The following LYPD6B variants were observed in gnomAD, a reference collection of about 807,000 sequenced individuals.
LYPD6B encodes LY6/PLAUR domain containing 6B, also known as ly6/PLAUR domain-containing protein 6B.
LYPD6B carries 17 observed loss-of-function variants against 22.8 expected under a neutral mutation model. The observed-to-expected ratio is 0.75, with a 90% CI of 0.51 to 1.12. The LOEUF is 1.12. LYPD6B is among the 50% of genes most tolerant of loss of function. The pLI, the probability that LYPD6B is intolerant of heterozygous loss-of-function variation, is 0.00. For synonymous variants in LYPD6B, 106 were observed against 91.6 expected (o/e 1.16, Z -0.90); for missense variants, 221 against 258.3 (o/e 0.86, Z 0.99).
chr2:149,085,718 G>C (rs1396195834), intron 1 of LYPD6B, among the ~76,000 whole-genome samples: 2 of 152,194 alleles, frequency 1.3e-5, no homozygotes, highest in African/African-American at 4.8e-5. Context: ...AAAGAATTTG[G>C]TGATGAATAA....
At position 149,097,993 on chromosome 2, in the gene LYPD6B, C is replaced by T. The variant is rs575653049; in HGVS notation, c.-66-32890C>T. Among the ~76,000 whole-genome samples the T allele has an allele frequency of 7.9e-5, 12 of 152,234 alleles. No homozygotes were observed. In the East Asian group the frequency reaches 2.1e-3, roughly 27 times the overall value. ...AAAATAATCATTGAGTGAAATACTACACTTTTTTATTACTTTGGACAGTAT... is the reference window on the plus strand; with the variant it reads ...AAAATAATCATTGAGTGAAATACTATACTTTTTTATTACTTTGGACAGTAT... On this transcript the variant is annotated intron_variant, in intron 1 of 6. Transcript: ENST00000409642.
At position 149,083,719 on chromosome 2, in the gene LYPD6B, C is replaced by G. The variant is rs188471944; in HGVS notation, c.-67+44918C>G. On this transcript the variant is annotated intron_variant, in intron 1 of 6. Transcript: ENST00000409642. ...GTGATGCTGTGAAGTTCGTATGGCA[C>G]GATGTGCTGCTGTCTCAATATTACT... Among the ~76,000 whole-genome samples the G allele has an allele frequency of 2.6e-5, 4 of 152,222 alleles. No individual in the cohort carries two copies. In the East Asian group the frequency reaches 7.7e-4, roughly 29 times the overall value.
intron 3 of LYPD6B, among the ~76,000 whole-genome samples, chr2:149,199,465 C>T (rs1349729204): frequency 6.6e-6 from 1 of 152,186 alleles, no homozygotes; most frequent in African/African-American, 2.4e-5. Context: ...GTGCTCAGTA[C>T]AGTACCTGGT....
At chr2:149,171,237 A>G (rs1174341210) in intron 3 of LYPD6B, among the ~76,000 whole-genome samples, 1 of 152,180 alleles carries the variant, frequency 6.6e-6, no homozygotes, top group Non-Finnish European at 1.5e-5. Flanking sequence ...GGCAAATGCT[A>G]AGGAAGCAAC....
intron 2 of LYPD6B, among the ~76,000 whole-genome samples, chr2:149,159,571 C>T (rs528023962): frequency 1.6e-4 from 23 of 147,976 alleles, no homozygotes; most frequent in African/African-American, 4.5e-4. Context: ...GAACCCTGCC[C>T]GAGAGAGCAT....
intron 1 of LYPD6B, among the ~76,000 whole-genome samples, chr2:149,109,222 G>A (rs965688461): frequency 1.3e-5 from 2 of 152,148 alleles, no homozygotes; most frequent in Non-Finnish European, 2.9e-5. Context: ...TTCTTGTGGT[G>A]CAGAACTTAA....
At chr2:149,124,945 G>A (rs1687605437) in intron 1 of LYPD6B, among the ~76,000 whole-genome samples, 1 of 152,162 alleles carries the variant, frequency 6.6e-6, no homozygotes, top group South Asian at 2.1e-4. Context: ...CCAACATTCA[G>A]GTAGACCCAG....
intron 1 of LYPD6B, among the ~76,000 whole-genome samples, chr2:149,105,096 C>T (rs1443219942): frequency 6.6e-6 from 1 of 152,126 alleles, no homozygotes; most frequent in Admixed American, 6.6e-5. Context: ...AGCACCATTG[C>T]TGAAAAGTCT....
intron 2 of LYPD6B, among the ~76,000 whole-genome samples, chr2:149,145,720 C>T (rs893806748): frequency 6.6e-6 from 1 of 152,202 alleles, no homozygotes; most frequent in African/African-American, 2.4e-5. Flanking sequence ...TTGGCATCCT[C>T]CACCCCTCAG....
intron 1 of LYPD6B, among the ~76,000 whole-genome samples, chr2:149,123,978 C>A (rs1037143625): frequency 6.6e-6 from 1 of 152,192 alleles, no homozygotes. Flanking sequence ...TAATACTCAC[C>A]TGATGTTATC....
chr2:149,122,013 CAG>C (rs2105613086), intron 1 of LYPD6B, among the ~76,000 whole-genome samples: 1 of 152,330 alleles, frequency 6.6e-6, no homozygotes, highest in East Asian at 1.9e-4. Context: ...GAGAAAGAAA[CAG>C]ACCAAAACAA....
chr2:149,126,556 A>G (rs1687707123), intron 1 of LYPD6B, among the ~76,000 whole-genome samples: 1 of 152,232 alleles, frequency 6.6e-6, no homozygotes, highest in South Asian at 2.1e-4. Context: ...TGTCATCTTT[A>G]CATTGAGTCA....
intron 2 of LYPD6B, among the ~76,000 whole-genome samples, chr2:149,137,794 T>C (rs1688459832): frequency 6.6e-6 from 1 of 152,116 alleles, no homozygotes; most frequent in African/African-American, 2.4e-5. Context: ...AAATATTCTA[T>C]TATTTCATTA....
chr2:149,156,952 A>G (rs116437028), intron 2 of LYPD6B, among the ~76,000 whole-genome samples: 307 of 152,352 alleles, frequency 2.0e-3, no homozygotes, highest in African/African-American at 7.1e-3. Context: ...GTGGTTGTAC[A>G]TCAGAAAGGC....
chr2:149,175,016 CTCTT>C lies in LYPD6B; in HGVS notation c.77+14183_77+14186del, dbSNP rs531090012. On this transcript the variant is annotated intron_variant, in intron 3 of 6. Coordinates refer to ENST00000409642, the MANE Select transcript of LYPD6B (RefSeq NM_177964.5). The stretch of plus-strand genomic sequence containing the variant: ...ATAATTATAATACTCTGTGAATAAT[CTCTT>C]TAATCTCTCTCTCTCTCTCTCTCTC... 5.1e-5 allele frequency among the ~76,000 whole-genome samples: 7 copies of C among 137,234 alleles called. No individual in the cohort carries two copies. In the East Asian group the frequency reaches 1.2e-3, roughly 24 times the overall value. 90.0% of individuals were successfully genotyped at this position (137,234 alleles called of 152,430 possible).
intron 1 of LYPD6B, among the ~76,000 whole-genome samples, chr2:149,083,972 C>T (rs2889657): frequency 0.34 from 51,660 of 150,276 alleles, 9,167 homozygotes; most frequent in East Asian, 0.62. Flanking sequence ...AAAAACCGGG[C>T]GTAGTGGCAT....
rs1055395837 is a variant in LYPD6B, at chr2:149,088,132, T to C, written c.-66-42751T>C. ...ACTTTATGTCCCCTACTGTCCACTG[T>C]TGGAATTGTTATGTTCTCTGTGGGT... On this transcript the variant is annotated intron_variant, in intron 1 of 6. Coordinates refer to ENST00000409642, the MANE Select transcript of LYPD6B (RefSeq NM_177964.5). Among the ~76,000 whole-genome samples the C allele has an allele frequency of 7.6e-5, 11 of 145,224 alleles. No homozygotes were observed. In the Admixed American group the frequency reaches 7.6e-4, roughly 10 times the overall value.
chr2:149,059,688 G>A (rs1282978623), intron 1 of LYPD6B, among the ~76,000 whole-genome samples: 1 of 152,154 alleles, frequency 6.6e-6, no homozygotes, highest in Non-Finnish European at 1.5e-5. Flanking sequence ...TGCTGACCCT[G>A]GGCTGAAAGA....
chr2:149,069,083 C>CTT (rs1298286993), intron 1 of LYPD6B, among the ~76,000 whole-genome samples: 1 of 141,242 alleles, frequency 7.1e-6, no homozygotes. Flanking sequence ...ATTATGTAGA[C>CTT]TTTTTTTTTT....
Sources: allele counts gnomAD v4.1 joint callset (sites outside exome capture counted in the v4.1 genomes callset), GRCh38; gene constraint gnomAD v4.1.1; transcripts MANE v1.5; gene names NCBI Gene and HGNC (gene_info 2026-07-23, HGNC 2026-07-21).